The following SH3PXD2A variants were observed in gnomAD, a reference collection of about 807,000 sequenced individuals.
SH3PXD2A encodes SH3 and PX domains 2A, also known as SH3 and PX domain-containing protein 2A.
A neutral mutation model predicts 115.2 loss-of-function variants in SH3PXD2A; 32 were observed. The observed-to-expected ratio is 0.28, with a 90% CI of 0.21 to 0.37. The LOEUF (loss-of-function observed/expected upper bound fraction) is 0.37, where lower values mean the gene tolerates loss of function less well. Among genes scored for constraint, SH3PXD2A ranks in the 10% least tolerant of loss-of-function variants. SH3PXD2A has a pLI of 1.00. For synonymous variants in SH3PXD2A, 610 were observed against 629.1 expected, an observed-to-expected ratio of 0.97 and a Z score of 0.45; for missense variants, 1,328 against 1,498.7, an observed-to-expected ratio of 0.89 and a Z score of 1.88.
At chr10:103,654,095 CT>C (rs1170537717) in intron 8 of SH3PXD2A, among the ~76,000 whole-genome samples, 4 of 152,116 alleles carry the variant, frequency 2.6e-5, no homozygotes, top group African/African-American at 7.2e-5. Context: ...GTCTTCACCC[CT>C]GACACTTCAG....
Position 103,597,762 on chromosome 10 carries a change from C to T in SH3PXD2A, c.*4054G>A, listed in dbSNP as rs557051359. On this transcript the variant is annotated 3_prime_UTR_variant, in exon 15 of 15. Coordinates refer to ENST00000369774, the MANE Select transcript of SH3PXD2A (RefSeq NM_001394015.1). Reference sequence around the variant, plus strand: ...CCATCTTGGTAATATTGCACTTTTCCTGTCTCTCAGATTGTTTCCATTTTT... The same window carrying T: ...CCATCTTGGTAATATTGCACTTTTCTTGTCTCTCAGATTGTTTCCATTTTT... 6.6e-6 allele frequency: 1 copy of T among 152,666 alleles called. No individual in the cohort carries two copies. Among genetic ancestry groups the T allele is most frequent in the East Asian group, 1.9e-4 (1 of 5,196 alleles). 9.5% of individuals were successfully genotyped at this position (152,666 alleles called of 1,614,324 possible). A position where few individuals can be genotyped will look rare whatever the true frequency, so the allele number is the denominator to read the frequency against.
Position 103,809,653 on chromosome 10 carries a change from TTCCCTCTCCCTCCCTCCCTCCC to T in SH3PXD2A, c.73-8313_73-8292del, listed in dbSNP as rs777398479. On this transcript the variant is annotated intron_variant, in intron 1 of 14. Transcript: ENST00000369774. ...AGGAATCATGGGTCTCCTTTCCTCC[TTCCCTCTCCCTCCCTCCCTCCC>T]TCCCTCCCTCCCTCCCTTCCTTCTT... is the stretch of plus-strand genomic sequence containing the variant. Among the ~76,000 whole-genome samples, 19 of 127,870 alleles carry T rather than the reference TTCCCTCTCCCTCCCTCCCTCCC, an allele frequency of 1.5e-4. 1 individual carries two copies. The highest frequency in any genetic ancestry group is 2.4e-4 in the African/African-American group (8 of 33,768). 83.9% of individuals were successfully genotyped at this position (127,870 alleles called of 152,430 possible).
intron 14 of SH3PXD2A, among the ~76,000 whole-genome samples, chr10:103,604,043 T>G (rs2036262624): frequency 6.6e-6 from 1 of 152,188 alleles, no homozygotes; most frequent in Admixed American, 6.5e-5. Flanking sequence ...CATGTCTGTG[T>G]TAACAGCCGG....
chr10:103,648,776 CT>C lies in SH3PXD2A; in HGVS notation c.604+12206del, dbSNP rs201042505. Among the ~76,000 whole-genome samples the C allele has an allele frequency of 3.3e-4, 51 of 152,356 alleles. No individual in the cohort carries two copies. In the East Asian group the frequency reaches 9.4e-3, roughly 28 times the overall value. ...ATTGCAAATTGCAAGATCAGATCGT[CT>C]TTTGCTCCTGCCCCACCTCCCACCC... On this transcript the variant is annotated intron_variant, in intron 8 of 14. Coordinates refer to ENST00000369774, the MANE Select transcript of SH3PXD2A (RefSeq NM_001394015.1).
intron 5 of SH3PXD2A, among the ~76,000 whole-genome samples, chr10:103,700,948 T>TCATCCATC (rs140092911): frequency 3.7e-5 from 5 of 136,882 alleles, no homozygotes; most frequent in Admixed American, 7.3e-5. Flanking sequence ...AGTCCATCCA[T>TCATCCATC]CATCCATCCA....
At chr10:103,704,705 T>C (rs2037960725) in intron 5 of SH3PXD2A, among the ~76,000 whole-genome samples, 1 of 152,186 alleles carries the variant, frequency 6.6e-6, no homozygotes, top group African/African-American at 2.4e-5. Context: ...TGCCCAGGGA[T>C]GGGTGGCTCC....
At chr10:103,727,614 C>G (rs76410875) in intron 4 of SH3PXD2A, among the ~76,000 whole-genome samples, 3,786 of 152,302 alleles carry the variant, frequency 0.025, 83 homozygotes, top group Middle Eastern at 0.082. Context: ...TGCCACTCAC[C>G]CTAAGCACAG....
intron 1 of SH3PXD2A, among the ~76,000 whole-genome samples, chr10:103,815,924 G>A (rs2039319682): frequency 6.6e-6 from 1 of 151,928 alleles, no homozygotes; most frequent in Non-Finnish European, 1.5e-5. Flanking sequence ...GAAAAATACT[G>A]TATAATCTCA....
chr10:103,813,156 T>C lies in SH3PXD2A; in HGVS notation c.73-11794A>G, dbSNP rs141624123. On this transcript the variant is annotated intron_variant, in intron 1 of 14. Coordinates refer to ENST00000369774, the MANE Select transcript of SH3PXD2A (RefSeq NM_001394015.1). ...ATGCTATGTATACCATATGATTAAATCTATCTGGGGGATGGATTGTATGGG... is the reference window on the plus strand; with the variant it reads ...ATGCTATGTATACCATATGATTAAACCTATCTGGGGGATGGATTGTATGGG... 2.6e-3 allele frequency among the ~76,000 whole-genome samples: 401 copies of C among 152,290 alleles called. 5 individuals are homozygous for C. Among genetic ancestry groups the C allele is most frequent in the African/African-American group, 9.4e-3 (392 of 41,556 alleles).
At chr10:103,826,418 CT>C (rs2039430863) in intron 1 of SH3PXD2A, among the ~76,000 whole-genome samples, 3 of 152,210 alleles carry the variant, frequency 2.0e-5, no homozygotes. Flanking sequence ...CTGTGTGGTG[CT>C]GCCTCTCAGG....
chr10:103,799,437 C>T (rs1282975302), intron 2 of SH3PXD2A, among the ~76,000 whole-genome samples: 7 of 152,294 alleles, frequency 4.6e-5, no homozygotes, highest in African/African-American at 9.6e-5. Flanking sequence ...CAATGACCCA[C>T]GTGGACAAGC....
chr10:103,608,501 G>C (rs1306053752), intron 13 of SH3PXD2A: 2 of 150,204 alleles, frequency 1.3e-5, no homozygotes, highest in African/African-American at 2.4e-5. Flanking sequence ...TTACAGATTA[G>C]GGATAAAATT....
chr10:103,852,006 T>C (rs1842901373), intron 1 of SH3PXD2A, among the ~76,000 whole-genome samples: 1 of 152,232 alleles, frequency 6.6e-6, no homozygotes, highest in Non-Finnish European at 1.5e-5. Context: ...TGAAAAACTT[T>C]CAAACGAAGG....
At chr10:103,642,987 T>C (rs1280059069) in intron 8 of SH3PXD2A, among the ~76,000 whole-genome samples, 4 of 152,178 alleles carry the variant, frequency 2.6e-5, no homozygotes, top group South Asian at 2.1e-4. Flanking sequence ...AATTTAGACT[T>C]TAAAGACCAT....
chr10:103,782,109 G>A (rs1361358066), intron 2 of SH3PXD2A, among the ~76,000 whole-genome samples: 1 of 152,202 alleles, frequency 6.6e-6, no homozygotes, highest in African/African-American at 2.4e-5. Flanking sequence ...GACCTAACAA[G>A]GGAAAGATCA....
chr10:103,743,352 C>G (rs1308796645), intron 3 of SH3PXD2A, among the ~76,000 whole-genome samples: 3 of 152,020 alleles, frequency 2.0e-5, no homozygotes, highest in African/African-American at 7.2e-5. Flanking sequence ...CACTGAGGCT[C>G]GGTGATCCAA....
intron 5 of SH3PXD2A, among the ~76,000 whole-genome samples, chr10:103,694,236 C>A (rs1046640743): frequency 6.8e-6 from 1 of 146,510 alleles, no homozygotes; most frequent in African/African-American, 2.6e-5. Context: ...CATCTTTGGT[C>A]GAAGCAAACT....
chr10:103,820,106 T>C (rs1222919520), intron 1 of SH3PXD2A, among the ~76,000 whole-genome samples: 2 of 152,166 alleles, frequency 1.3e-5, no homozygotes, highest in Non-Finnish European at 1.5e-5. Context: ...AGAAACTAAG[T>C]GCCAGAAGTC....
chr10:103,753,380 C>T (rs1174737407), intron 3 of SH3PXD2A, among the ~76,000 whole-genome samples: 1 of 146,526 alleles, frequency 6.8e-6, no homozygotes, highest in East Asian at 2.0e-4. Flanking sequence ...CCTGTAATCC[C>T]AGCTACTTGG....
Sources: gnomAD v4.1 joint callset for allele counts (sites outside exome capture counted in the v4.1 genomes callset) on GRCh38, gnomAD v4.1.1 for gene constraint, MANE v1.5 for transcripts, NCBI Gene and HGNC (gene_info 2026-07-23, HGNC 2026-07-21) for gene names.